CNTNAP2: variants seen among roughly 807,000 people sequenced by gnomAD.
The protein encoded by CNTNAP2 is contactin associated protein 2, also known as contactin-associated protein-like 2.
A neutral mutation model predicts 155.2 loss-of-function variants in CNTNAP2; 98 were observed. That is an observed-to-expected ratio of 0.63 (90% CI 0.54 to 0.75). The LOEUF is 0.75. Among genes scored for constraint, CNTNAP2 ranks in the 30% least tolerant of loss-of-function variants. CNTNAP2 has a pLI of 0.00. For synonymous variants in CNTNAP2, 651 were observed against 631.2 expected (o/e 1.03, Z -0.47); for missense variants, 1,727 against 1,688.1 (o/e 1.02, Z -0.40).
chr7:147,234,350 T>TTTC (rs1803752822), intron 8 of CNTNAP2, among the ~76,000 whole-genome samples: 1 of 147,792 alleles, frequency 6.8e-6, no homozygotes. Context: ...TTTTTTTTTT[T>TTTC]TTTTTGAGAA....
chr7:146,307,533 G>A (rs1294760186), intron 1 of CNTNAP2, among the ~76,000 whole-genome samples: 2 of 152,070 alleles, frequency 1.3e-5, no homozygotes, highest in Non-Finnish European at 2.9e-5. Context: ...ACAATCCTAA[G>A]CCAAAAGAAC....
chr7:147,764,177 C>T (rs756286904), intron 13 of CNTNAP2, among the ~76,000 whole-genome samples: 1 of 152,160 alleles, frequency 6.6e-6, no homozygotes, highest in Non-Finnish European at 1.5e-5. Flanking sequence ...TACACCATAG[C>T]TCACAGGTGG....
At chr7:146,176,897 A>G (rs13311585) in intron 1 of CNTNAP2, among the ~76,000 whole-genome samples, 4 of 152,328 alleles carry the variant, frequency 2.6e-5, no homozygotes, top group Middle Eastern at 3.4e-3. Context: ...GCCTCTAGCT[A>G]TAGCCACAAG....
rs547212608 is a variant in CNTNAP2, at chr7:147,117,058, G to A, written c.755-3921G>A. On this transcript the variant is annotated intron_variant, in intron 5 of 23. Coordinates refer to ENST00000361727, the MANE Select transcript of CNTNAP2 (RefSeq NM_014141.6). The stretch of plus-strand genomic sequence containing the variant: ...ATTCCAAGCCAGTGGGTCTTTTCTT[G>A]TAGGGTGCCATGGAAATGGGGCCCA... 1.2e-3 allele frequency among the ~76,000 whole-genome samples: 183 copies of A among 152,266 alleles called. 1 individual carries two copies. The highest frequency in any genetic ancestry group is 4.3e-3 in the African/African-American group (177 of 41,576).
chr7:147,678,480 A>G (rs574980471), intron 13 of CNTNAP2, among the ~76,000 whole-genome samples: 1 of 151,984 alleles, frequency 6.6e-6, no homozygotes, highest in South Asian at 2.1e-4. Flanking sequence ...ATGTCTTTCA[A>G]GGTCTTGGCT....
rs117172685 is a variant in CNTNAP2 at position 148,233,252 on chromosome 7, G to A, written c.3381+3473G>A. Among the ~76,000 whole-genome samples, 131 of 152,126 alleles carry A rather than the reference G, an allele frequency of 8.6e-4. 2 individuals carry two copies. In the East Asian group the frequency reaches 0.023, roughly 26 times the overall value. Reference sequence around the variant, plus strand: ...CTTTCTTCTTCCTTTCCTTCCTTCCGTCTTGCCATCCATGTTTCTTTTCCT... The same window carrying A: ...CTTTCTTCTTCCTTTCCTTCCTTCCATCTTGCCATCCATGTTTCTTTTCCT... On this transcript the variant is annotated intron_variant, in intron 20 of 23. Coordinates refer to ENST00000361727, the MANE Select transcript of CNTNAP2 (RefSeq NM_014141.6).
chr7:147,978,143 A>G, intron 15 of CNTNAP2, 154 bp downstream of exon 15: 2 of 1,065,884 alleles, frequency 1.9e-6, no homozygotes, highest in Non-Finnish European at 2.8e-6. Context: ...GAGGAGGGGA[A>G]CAGCCATAAA....
chr7:148,349,289 T>C (rs78260568), intron 21 of CNTNAP2, among the ~76,000 whole-genome samples: 3 of 151,906 alleles, frequency 2.0e-5, no homozygotes, highest in African/African-American at 4.8e-5. Context: ...ATAATAGGAG[T>C]GTCCAACCTT....
At chr7:146,856,408 C>G (rs147286043) in intron 3 of CNTNAP2, among the ~76,000 whole-genome samples, 2 of 152,002 alleles carry the variant, frequency 1.3e-5, no homozygotes, top group Non-Finnish European at 2.9e-5. Flanking sequence ...AGAATACGAA[C>G]TTCTGACTAG....
intron 10 of CNTNAP2, among the ~76,000 whole-genome samples, chr7:147,458,487 A>G (rs1563211856): frequency 6.6e-6 from 1 of 152,170 alleles, no homozygotes; most frequent in South Asian, 2.1e-4. Context: ...GTGAAAATGA[A>G]AATGAAGAAC....
chr7:147,389,858 A>G (rs956271086), intron 9 of CNTNAP2, among the ~76,000 whole-genome samples: 8 of 152,324 alleles, frequency 5.3e-5, no homozygotes, highest in African/African-American at 1.9e-4. Context: ...AAAATACGCA[A>G]AAATTTTAAC....
intron 18 of CNTNAP2, among the ~76,000 whole-genome samples, chr7:148,195,187 C>T (rs1000615910): frequency 2.0e-4 from 31 of 152,172 alleles, no homozygotes; most frequent in Non-Finnish European, 4.1e-4. Context: ...TCTGATTGCA[C>T]ATTCCTTCTG....
intron 13 of CNTNAP2, among the ~76,000 whole-genome samples, chr7:147,806,240 T>A (rs1045275353): frequency 1.3e-5 from 2 of 152,048 alleles, no homozygotes; most frequent in Non-Finnish European, 2.9e-5. Context: ...TGTGAAAAAA[T>A]GCTCAACATC....
intron 1 of CNTNAP2, among the ~76,000 whole-genome samples, chr7:146,222,114 TA>T (rs1219860555): frequency 6.6e-6 from 1 of 152,176 alleles, no homozygotes; most frequent in Non-Finnish European, 1.5e-5. Context: ...ACCCATTTTT[TA>T]AAAATGCTTA....
intron 22 of CNTNAP2, among the ~76,000 whole-genome samples, chr7:148,399,482 A>C (rs1012927060): frequency 6.6e-6 from 1 of 152,174 alleles, no homozygotes; most frequent in African/African-American, 2.4e-5. Flanking sequence ...CCATAGCATC[A>C]AGAACCTAAA....
intron 23 of CNTNAP2, among the ~76,000 whole-genome samples, chr7:148,411,956 T>TC (rs1485351295): frequency 9.2e-5 from 14 of 152,150 alleles, no homozygotes; most frequent in African/African-American, 3.4e-4. Flanking sequence ...TGTATCTTTT[T>TC]TTGTTGAGAT....
intron 15 of CNTNAP2, among the ~76,000 whole-genome samples, chr7:148,110,686 G>A (rs1382803260): frequency 1.3e-5 from 2 of 152,174 alleles, no homozygotes; most frequent in African/African-American, 2.4e-5. Flanking sequence ...AGGCAGGCAA[G>A]GGCCGGGCTC....
intron 9 of CNTNAP2, among the ~76,000 whole-genome samples, chr7:147,395,241 A>C (rs1796793652): frequency 6.6e-6 from 1 of 152,008 alleles, no homozygotes; most frequent in Admixed American, 6.6e-5. Flanking sequence ...GAAAGTTCTA[A>C]AGTTTTGTGT....
intron 13 of CNTNAP2, among the ~76,000 whole-genome samples, chr7:147,727,422 T>A (rs373861843): frequency 2.6e-5 from 4 of 152,186 alleles, no homozygotes; most frequent in African/African-American, 9.6e-5. Context: ...AATCTTTTAA[T>A]CTAATGAGTT....
Sources: allele counts gnomAD v4.1 joint callset (sites outside exome capture counted in the v4.1 genomes callset), GRCh38; gene constraint gnomAD v4.1.1; transcripts MANE v1.5; gene names NCBI Gene and HGNC (gene_info 2026-07-23, HGNC 2026-07-21).